The following DNAJC16 variants were observed in gnomAD, a reference collection of about 807,000 sequenced individuals.
The protein encoded by DNAJC16 is DnaJ heat shock protein family (Hsp40) member C16.
DNAJC16 carries 76 observed loss-of-function variants against 92.7 expected under a neutral mutation model. The ratio of observed to expected loss-of-function variants is 0.82; its 90% CI spans 0.68 to 0.99. DNAJC16 has a LOEUF of 0.99. Ranked by LOEUF, DNAJC16 falls within the 50% of genes least tolerant of loss-of-function variation. The pLI, the probability that DNAJC16 is intolerant of heterozygous loss-of-function variation, is 0.00. For missense variants in DNAJC16, 869 were observed against 942.4 expected (o/e 0.92, Z 1.02); for synonymous variants, 328 against 358.7 (o/e 0.91, Z 0.97).
chr1:15,563,662 C>CT (rs1638740363), intron 9 of DNAJC16, among the ~76,000 whole-genome samples: 2 of 83,156 alleles, frequency 2.4e-5, no homozygotes, highest in African/African-American at 5.1e-5. Context: ...CCCATCTCTA[C>CT]TAAAAAAAAA....
At position 15,564,027 on chromosome 1, in the gene DNAJC16, G is replaced by A. The variant is rs749022499; in HGVS notation, c.1437G>A (p.Leu479=). 6.2e-7 allele frequency: 1 copy of A among 1,614,140 alleles called. No homozygotes were observed. Among genetic ancestry groups the A allele is most frequent in the Admixed American group, 1.7e-5 (1 of 60,020 alleles). The change falls in exon 10 of 15, where the codon TTG becomes TTA. Residue 479 remains leucine (L), a synonymous_variant. Transcript: ENST00000375847. ...IGSESDKFIL[L]GYLDQLRKDP... ...GTGAGAGTGACAAATTTATCCTCTT[G>A]GGCTATCTCGACCAGCTGCGTAAAG...
At position 15,564,110 on chromosome 1, in the gene DNAJC16, CT is replaced by C. The variant is rs1191049915; in HGVS notation, c.1521del (p.Val508PhefsTer29). 1.2e-6 allele frequency: 2 copies of C among 1,613,856 alleles called. No homozygotes were observed. Among genetic ancestry groups the C allele is most frequent in the Non-Finnish European group, 1.7e-6 (2 of 1,179,912 alleles). ...VLPDLTDELA[P>X]VFLLRWFYSA... ...CCTGACCTGACCGATGAACTTGCCC[CT>C]GTGAGCATCGGGGCTGGGAAGGGTG... is the stretch of plus-strand genomic sequence containing the variant. On this transcript the variant is annotated frameshift_variant and splice_region_variant, in exon 10 of 15. Transcript: ENST00000375847. LOFTEE classifies it high-confidence loss of function.
chr1:15,558,188 T>TC (rs1011219265), intron 7 of DNAJC16, among the ~76,000 whole-genome samples: 4 of 129,266 alleles, frequency 3.1e-5, no homozygotes, highest in African/African-American at 6.5e-5. Flanking sequence ...TTTTTTTTTT[T>TC]TTTTTTTCTT....
intron 10 of DNAJC16, 21 bp downstream of exon 10, chr1:15,564,132 G>C (rs1435834104): frequency 6.2e-7 from 1 of 1,613,404 alleles, no homozygotes; most frequent in Admixed American, 1.7e-5. Flanking sequence ...GGGCTGGGAA[G>C]GGTGGGACAC....
At chr1:15,548,478 A>G (rs1260474212) in intron 7 of DNAJC16, 50 bp downstream of exon 7, 1 of 1,521,946 alleles carries the variant, frequency 6.6e-7, no homozygotes, top group Non-Finnish European at 8.9e-7. Flanking sequence ...TTATCCCAAG[A>G]TTTTATGTAA....
At chr1:15,539,999 C>G (rs1710895998) in intron 4 of DNAJC16, among the ~76,000 whole-genome samples, 1 of 151,680 alleles carries the variant, frequency 6.6e-6, no homozygotes, top group African/African-American at 2.4e-5. Context: ...CGCACTCCAG[C>G]CTGGGCAACA....
At chr1:15,559,693 A>G (rs1638650037) in intron 8 of DNAJC16, 37 bp downstream of exon 8, 2 of 1,605,464 alleles carry the variant, frequency 1.2e-6, no homozygotes, top group East Asian at 2.2e-5. Context: ...TTGTTATTAC[A>G]ATAGAAGGAT....
chr1:15,538,661 G>A (rs1315662224), intron 4 of DNAJC16, among the ~76,000 whole-genome samples: 1 of 152,154 alleles, frequency 6.6e-6, no homozygotes. Flanking sequence ...AGGTTGCTGT[G>A]AGCTGAGATC....
At position 15,562,276 on chromosome 1, in the gene DNAJC16, T is replaced by C; in HGVS notation, c.1289T>C (p.Phe430Ser). The C allele has an allele frequency of 6.2e-7, 1 of 1,614,096 alleles. No individual in the cohort carries two copies. Among genetic ancestry groups the C allele is most frequent in the South Asian group, 1.1e-5 (1 of 91,082 alleles). ...VHVYSNRQQE[F>S]ADTLLPDSEA... ...GTCTACAGCAATCGGCAGCAGGAGT[T>C]TGCCGACACCTTACTACCAGACAGT... The change falls in exon 9 of 15, where the codon TTT (phenylalanine) becomes TCT (serine). Residue 430 changes from phenylalanine (F) to serine (S), a missense_variant. Physicochemically the swap from Phe to Ser is radical, Grantham distance 155. Coordinates refer to ENST00000375847, the MANE Select transcript of DNAJC16 (RefSeq NM_015291.4).
intron 7 of DNAJC16, among the ~76,000 whole-genome samples, chr1:15,555,991 C>CA (rs750409441): frequency 0.34 from 31,588 of 92,416 alleles, 4,888 homozygotes; most frequent in African/African-American, 0.48. Flanking sequence ...AACTCCATCT[C>CA]AAAAAAAAAA....
At chr1:15,543,040 T>C (rs1199832631) in intron 4 of DNAJC16, among the ~76,000 whole-genome samples, 8 of 152,198 alleles carry the variant, frequency 5.3e-5, no homozygotes, top group African/African-American at 1.9e-4. Context: ...TTAAATAGAT[T>C]GATGGCCCAG....
At chr1:15,567,649 C>A (rs984069015) in intron 14 of DNAJC16, 129 bp from the exon 15 acceptor site, 1 of 1,042,906 alleles carries the variant, frequency 9.6e-7, no homozygotes, top group Non-Finnish European at 1.4e-6. Context: ...CCTTCTTTTT[C>A]TCTGTGTTCA....
intron 7 of DNAJC16, among the ~76,000 whole-genome samples, chr1:15,552,287 A>C (rs1334473195): frequency 6.6e-6 from 1 of 151,764 alleles, no homozygotes; most frequent in Non-Finnish European, 1.5e-5. Context: ...GGAGTTCGAG[A>C]CCAGCCTGCC....
At chr1:15,563,291 G>A (rs1638732489) in intron 9 of DNAJC16, among the ~76,000 whole-genome samples, 1 of 152,118 alleles carries the variant, frequency 6.6e-6, no homozygotes, top group South Asian at 2.1e-4. Context: ...CACTTTGGGA[G>A]GCCGAGGCGG....
At chr1:15,537,579 T>A (rs1165293640) in intron 4 of DNAJC16, among the ~76,000 whole-genome samples, 1 of 152,184 alleles carries the variant, frequency 6.6e-6, no homozygotes, top group Non-Finnish European at 1.5e-5. Context: ...CGTTTGAAAC[T>A]TTTTTCTCAG....
intron 4 of DNAJC16, among the ~76,000 whole-genome samples, chr1:15,538,632 A>C (rs1462544576): frequency 6.6e-6 from 1 of 151,970 alleles, no homozygotes; most frequent in East Asian, 1.9e-4. Context: ...CAGGAGAATC[A>C]CTTGAACCCT....
intron 3 of DNAJC16, 74 bp from the exon 4 acceptor site, chr1:15,536,401 C>A: frequency 1.6e-6 from 2 of 1,262,110 alleles, no homozygotes; most frequent in Non-Finnish European, 2.1e-6. Context: ...CTTCCTATGT[C>A]TTTCAAGCTG....
chr1:15,557,721 C>T lies in DNAJC16; in HGVS notation c.1024-1805C>T, dbSNP rs1050906388. ...AAAATATTTTCTAATATCTGATAGG[C>T]GTTCTTGTTTTGGTTTTTTTTTTTT... On this transcript the variant is annotated intron_variant, in intron 7 of 14. Transcript: ENST00000375847. Among the ~76,000 whole-genome samples the T allele has an allele frequency of 3.3e-5, 5 of 150,822 alleles. No homozygotes were observed. In the East Asian group the frequency reaches 7.8e-4, roughly 23 times the overall value.
chr1:15,536,835 G>A (rs1710802131), intron 4 of DNAJC16, 21 bp downstream of exon 4: 3 of 1,571,018 alleles, frequency 1.9e-6, no homozygotes, highest in South Asian at 1.2e-5. Flanking sequence ...TTTATTCACT[G>A]AAAGATATTT....
Sources: gnomAD v4.1 joint callset for allele counts (sites outside exome capture counted in the v4.1 genomes callset) on GRCh38, gnomAD v4.1.1 for gene constraint, MANE v1.5 for transcripts, NCBI Gene and HGNC (gene_info 2026-07-23, HGNC 2026-07-21) for gene names.